Variants in LRRC28 observed in about 807,000 individuals in gnomAD.
The protein encoded by LRRC28 is leucine rich repeat containing 28.
A neutral mutation model predicts 45.7 loss-of-function variants in LRRC28; 39 were observed. That is an observed-to-expected ratio of 0.85 (90% CI 0.66 to 1.12). The LOEUF (loss-of-function observed/expected upper bound fraction) is 1.12. Ranked by LOEUF, LRRC28 falls within the 50% of genes most tolerant of loss-of-function variation. The pLI is 0.00. For synonymous variants in LRRC28, 206 were observed against 178.8 expected, an observed-to-expected ratio of 1.15 and a Z score of -1.22; for missense variants, 435 against 438.5, an observed-to-expected ratio of 0.99 and a Z score of 0.07.
Position 99,303,935 on chromosome 15 carries a change from G to A in LRRC28, c.385+15984G>A, listed in dbSNP as rs148531587. On this transcript the variant is annotated intron_variant, in intron 5 of 9. Coordinates refer to ENST00000301981, the MANE Select transcript of LRRC28 (RefSeq NM_144598.5). ...CCCCCACTGGATGTAATTTATGTAT[G>A]TGTTTATAAACAAGAATTGTTTACA... Among the ~76,000 whole-genome samples, 19 of 152,252 alleles carry A rather than the reference G, an allele frequency of 1.2e-4. No individual in the cohort carries two copies. The East Asian group carries it at 3.7e-3, about 29-fold the overall frequency.
At chr15:99,322,925 G>T (rs1300118078) in intron 5 of LRRC28, among the ~76,000 whole-genome samples, 1 of 152,188 alleles carries the variant, frequency 6.6e-6, no homozygotes. Flanking sequence ...TGGGTAGATG[G>T]TGGCTAGCAG....
chr15:99,338,233 A>C (rs1416786419), intron 6 of LRRC28: 2 of 152,154 alleles, frequency 1.3e-5, no homozygotes, highest in Admixed American at 1.3e-4. Flanking sequence ...CGGTGTGGAA[A>C]TTGAATTCAG....
intron 5 of LRRC28, among the ~76,000 whole-genome samples, chr15:99,308,345 ATATTT>A (rs1253212075): frequency 2.0e-5 from 3 of 152,180 alleles, no homozygotes; most frequent in Admixed American, 6.5e-5. Context: ...TCTGTTTCAA[ATATTT>A]TATATGATTG....
rs112218232 is a variant in LRRC28 at position 99,383,778 on chromosome 15, G to C, written c.1032-2252G>C. On this transcript the variant is annotated intron_variant, in intron 9 of 9. Transcript: ENST00000301981. ...TCCTGGAGATTTTCAGGAGGTGGCT[G>C]AGCAGGGTCCGCCACCCTGGGTCCT... Among the ~76,000 whole-genome samples the C allele has an allele frequency of 7.0e-3, 1,060 of 152,266 alleles. 10 individuals are homozygous for C. Among genetic ancestry groups the C allele is most frequent in the Middle Eastern group, 0.017 (5 of 294 alleles).
intron 2 of LRRC28, among the ~76,000 whole-genome samples, chr15:99,273,703 A>G (rs1320428963): frequency 6.6e-6 from 1 of 152,064 alleles, no homozygotes; most frequent in Non-Finnish European, 1.5e-5. Flanking sequence ...GTAGAGCTAC[A>G]CCTCAAAAGA....
At chr15:99,285,175 A>G in intron 3 of LRRC28, 2 of 726,384 alleles carry the variant, frequency 2.8e-6, no homozygotes, top group Non-Finnish European at 2.5e-6. Flanking sequence ...GTCAGTCATG[A>G]TTTCAATCAC....
At chr15:99,370,369 T>C (rs1325468294) in intron 9 of LRRC28, among the ~76,000 whole-genome samples, 1 of 152,226 alleles carries the variant, frequency 6.6e-6, no homozygotes, top group African/African-American at 2.4e-5. Flanking sequence ...TATATGTGTA[T>C]GTGTACGTAT....
At chr15:99,361,620 TACAC>T (rs1315644474) in intron 8 of LRRC28, 109 bp downstream of exon 8, 3 of 1,084,924 alleles carry the variant, frequency 2.8e-6, no homozygotes, top group African/African-American at 3.2e-5. Flanking sequence ...TGTGGTAAAA[TACAC>T]ATAACACGAA....
chr15:99,326,521 G>T lies in LRRC28; in HGVS notation c.386-7402G>T, dbSNP rs72478491. On this transcript the variant is annotated intron_variant, in intron 5 of 9. Coordinates refer to ENST00000301981, the MANE Select transcript of LRRC28 (RefSeq NM_144598.5). ...ACTTTGTGGAAAGAACCAGGCTGCT[G>T]AGTTAGCTTGGGTGGATGGTGGCTA... The T allele has an allele frequency of 2.0e-5, 3 of 152,416 alleles. No homozygotes were observed. The East Asian group carries it at 5.8e-4, about 29-fold the overall frequency. The allele number at this position is 152,416 out of a possible 1,614,324, so 9.4% of individuals were successfully genotyped here. A position where few individuals can be genotyped will look rare whatever the true frequency, so the allele number is the denominator to read the frequency against.
At chr15:99,281,399 G>T (rs2081787032) in intron 3 of LRRC28, among the ~76,000 whole-genome samples, 1 of 152,178 alleles carries the variant, frequency 6.6e-6, no homozygotes, top group Non-Finnish European at 1.5e-5. Context: ...TTATGGGAGT[G>T]AGCCACTGTG....
chr15:99,377,395 T>G (rs191327125), intron 9 of LRRC28, among the ~76,000 whole-genome samples: 152 of 152,356 alleles, frequency 1.0e-3, no homozygotes, highest in African/African-American at 3.5e-3. Flanking sequence ...ATGGGTCTGT[T>G]TTTTCCTTGT....
In LRRC28 at chr15:99,347,949, T is replaced by C. The variant is rs113729767; in HGVS notation, c.593-4420T>C. The stretch of plus-strand genomic sequence containing the variant: ...ACCCTCAGCAACATTTGTTATCTCT[T>C]ATCTTTTTTATAATAGCCATCCTTA... On this transcript the variant is annotated intron_variant, in intron 6 of 9. Transcript: ENST00000301981. 2.6e-3 allele frequency among the ~76,000 whole-genome samples: 402 copies of C among 152,316 alleles called. 10 individuals carry two copies. Among genetic ancestry groups the C allele is most frequent in the African/African-American group, 8.9e-3 (370 of 41,556 alleles).
At chr15:99,338,990 C>T (rs1956416656) in intron 6 of LRRC28, among the ~76,000 whole-genome samples, 1 of 152,142 alleles carries the variant, frequency 6.6e-6, no homozygotes, top group Non-Finnish European at 1.5e-5. Context: ...TGACTATCAG[C>T]AAGGAGGAGG....
At chr15:99,382,125 A>C (rs1371883891) in intron 9 of LRRC28, among the ~76,000 whole-genome samples, 5 of 152,194 alleles carry the variant, frequency 3.3e-5, no homozygotes, top group Admixed American at 3.3e-4. Context: ...CCCTGCCCCG[A>C]GAGGTGGAGT....
At chr15:99,265,566 G>A (rs1268022262) in intron 2 of LRRC28, among the ~76,000 whole-genome samples, 1 of 152,106 alleles carries the variant, frequency 6.6e-6, no homozygotes, top group African/African-American at 2.4e-5. Flanking sequence ...TCCCTGCATC[G>A]GTCCCTGTGG....
At chr15:99,383,877 C>T (rs537867193) in intron 9 of LRRC28, among the ~76,000 whole-genome samples, 121 of 152,218 alleles carry the variant, frequency 7.9e-4, no homozygotes, top group African/African-American at 2.8e-3. Flanking sequence ...TAGCTGTTGG[C>T]CTGCAATGAG....
chr15:99,259,885 G>A (rs2081144737), intron 2 of LRRC28: 1 of 752,902 alleles, frequency 1.3e-6, no homozygotes, highest in South Asian at 1.4e-5. Flanking sequence ...ATGCAAAGGT[G>A]GAAGAACCCG....
intron 5 of LRRC28, among the ~76,000 whole-genome samples, chr15:99,323,618 T>A (rs900531128): frequency 6.6e-6 from 1 of 152,210 alleles, no homozygotes; most frequent in African/African-American, 2.4e-5. Flanking sequence ...AAGAGCCCTT[T>A]TCTCTGTGTT....
At chr15:99,272,299 C>T (rs916859137) in intron 2 of LRRC28, among the ~76,000 whole-genome samples, 13 of 152,184 alleles carry the variant, frequency 8.5e-5, no homozygotes, top group Admixed American at 6.5e-4. Flanking sequence ...GCTGACAAAA[C>T]GTCCACCGTC....
Sources: allele counts gnomAD v4.1 joint callset (sites outside exome capture counted in the v4.1 genomes callset), GRCh38; gene constraint gnomAD v4.1.1; transcripts MANE v1.5; gene names NCBI Gene and HGNC (gene_info 2026-07-23, HGNC 2026-07-21).